Variants in NOL4 observed in about 807,000 individuals in gnomAD.
NOL4 encodes cancer/testis antigen 125.
Under a neutral mutation model 75.9 loss-of-function variants are expected in NOL4, and 17 were observed. The ratio of observed to expected loss-of-function variants is 0.22; its 90% CI spans 0.15 to 0.34. NOL4 has a LOEUF of 0.34. Among genes scored for constraint, NOL4 ranks in the 10% least tolerant of loss-of-function variants. The pLI, the probability that NOL4 is intolerant of heterozygous loss-of-function variation, is 1.00. For missense variants in NOL4, 614 were observed against 793.5 expected (o/e 0.77, Z 2.72); for synonymous variants, 292 against 289.9 (o/e 1.01, Z -0.07).
chr18:34,036,688 C>T (rs1354609160), intron 5 of NOL4, among the ~76,000 whole-genome samples: 1 of 152,154 alleles, frequency 6.6e-6, no homozygotes, highest in African/African-American at 2.4e-5. Flanking sequence ...CTTTGGGAGG[C>T]TGAGGTGGGT....
At chr18:33,977,931 G>C (rs17179) in intron 6 of NOL4, among the ~76,000 whole-genome samples, 55,634 of 151,966 alleles carry the variant, frequency 0.37, 10,592 homozygotes, top group Non-Finnish European at 0.41. Flanking sequence ...TCTAGGCCTT[G>C]GAGACCTTTG....
chr18:34,049,074 GCACACACACACACACACA>G (rs1163959249), intron 5 of NOL4, among the ~76,000 whole-genome samples: 3 of 64,706 alleles, frequency 4.6e-5, no homozygotes, highest in African/African-American at 1.5e-4. Flanking sequence ...ACAGGCGCGC[GCACACACACACACACACA>G]CACACACACA....
rs376859414 is a variant in NOL4, at chr18:34,010,866, C to T, written c.1056+8452G>A. 5.9e-5 allele frequency among the ~76,000 whole-genome samples: 9 copies of T among 151,910 alleles called. No homozygotes were observed. In the South Asian group the frequency reaches 1.7e-3, roughly 28 times the overall value. ...TTGTATGTCTTCATTTGGGAGATGTCTATTCAGACCTTTTGCCTATTGTTT... is the reference window on the plus strand; with the variant it reads ...TTGTATGTCTTCATTTGGGAGATGTTTATTCAGACCTTTTGCCTATTGTTT... On this transcript the variant is annotated intron_variant, in intron 6 of 10. Coordinates refer to ENST00000261592, the MANE Select transcript of NOL4 (RefSeq NM_003787.5).
intron 1 of NOL4, among the ~76,000 whole-genome samples, chr18:34,196,922 A>G (rs1271334348): frequency 6.6e-6 from 1 of 152,074 alleles, no homozygotes; most frequent in Non-Finnish European, 1.5e-5. Context: ...GATACTTTAG[A>G]ACTTTTTGAA....
intron 2 of NOL4, among the ~76,000 whole-genome samples, chr18:34,116,793 T>A (rs75496308): frequency 0.055 from 8,322 of 152,162 alleles, 335 homozygotes; most frequent in Non-Finnish European, 0.081. Context: ...AGCCATAAAA[T>A]AGTGCAAATT....
intron 9 of NOL4, among the ~76,000 whole-genome samples, chr18:33,925,715 AT>A (rs1349295595): frequency 6.6e-6 from 1 of 152,126 alleles, no homozygotes; most frequent in Non-Finnish European, 1.5e-5. Flanking sequence ...GGAGCTAAAT[AT>A]TTTGTGCTGT....
At chr18:33,978,929 G>A (rs2071723044) in intron 6 of NOL4, among the ~76,000 whole-genome samples, 1 of 151,994 alleles carries the variant, frequency 6.6e-6, no homozygotes, top group South Asian at 2.1e-4. Flanking sequence ...CAACTACAGG[G>A]ATAGAGCAAG....
At chr18:34,040,235 C>T (rs182840859) in intron 5 of NOL4, among the ~76,000 whole-genome samples, 1 of 151,942 alleles carries the variant, frequency 6.6e-6, no homozygotes, top group African/African-American at 2.4e-5. Context: ...GTTGGGGGCA[C>T]AGTAGATTGG....
intron 5 of NOL4, among the ~76,000 whole-genome samples, chr18:34,084,069 T>C (rs879401821): frequency 1.3e-5 from 2 of 152,202 alleles, no homozygotes; most frequent in Non-Finnish European, 2.9e-5. Context: ...AGAGGGGCAC[T>C]GACCTGATGC....
intron 2 of NOL4, among the ~76,000 whole-genome samples, chr18:34,120,157 A>C (rs1380299000): frequency 6.6e-6 from 1 of 152,160 alleles, no homozygotes; most frequent in Non-Finnish European, 1.5e-5. Context: ...CTTTGGAAAA[A>C]ATTGTTATGT....
At chr18:34,114,077 T>C (rs1431389599) in intron 2 of NOL4, among the ~76,000 whole-genome samples, 1 of 152,180 alleles carries the variant, frequency 6.6e-6, no homozygotes, top group Non-Finnish European at 1.5e-5. Flanking sequence ...ATACTAAAAA[T>C]ACTATTCTAC....
intron 9 of NOL4, among the ~76,000 whole-genome samples, chr18:33,918,930 G>C (rs570198500): frequency 6.6e-6 from 1 of 151,474 alleles, no homozygotes; most frequent in South Asian, 2.1e-4. Context: ...CTACCCTATA[G>C]ATAGATAGGT....
intron 4 of NOL4, among the ~76,000 whole-genome samples, chr18:34,101,753 C>T (rs1248645181): frequency 6.6e-6 from 1 of 152,046 alleles, no homozygotes; most frequent in African/African-American, 2.4e-5. Flanking sequence ...ACTGGTGTCC[C>T]TGCATCCAGT....
chr18:34,202,947 A>G (rs558121456), intron 1 of NOL4, among the ~76,000 whole-genome samples: 1 of 152,158 alleles, frequency 6.6e-6, no homozygotes, highest in Non-Finnish European at 1.5e-5. Flanking sequence ...TTTAATTGAG[A>G]GAAATGAAAA....
chr18:34,157,680 T>A (rs549715013), intron 1 of NOL4, among the ~76,000 whole-genome samples: 19 of 150,366 alleles, frequency 1.3e-4, no homozygotes, highest in Non-Finnish European at 1.8e-4. Context: ...GTAAAAAGAC[T>A]GAGAAGGGAC....
chr18:34,123,120 CTT>C (rs368997906), intron 2 of NOL4, among the ~76,000 whole-genome samples: 29 of 138,562 alleles, frequency 2.1e-4, no homozygotes, highest in Middle Eastern at 3.7e-3. Context: ...GCTCTTACGT[CTT>C]TTTTTTTTTT....
At chr18:34,199,120 T>TCC (rs2035548318) in intron 1 of NOL4, among the ~76,000 whole-genome samples, 1 of 151,524 alleles carries the variant, frequency 6.6e-6, no homozygotes, top group South Asian at 2.1e-4. Context: ...TCCTTCTTTT[T>TCC]CAGAGCAAAG....
At chr18:34,191,517 A>G (rs886350959) in intron 1 of NOL4, among the ~76,000 whole-genome samples, 3 of 152,066 alleles carry the variant, frequency 2.0e-5, no homozygotes, top group African/African-American at 7.2e-5. Flanking sequence ...AGTAATTCCC[A>G]ATTTTATCCT....
At chr18:34,054,985 A>G (rs1216939669) in intron 5 of NOL4, among the ~76,000 whole-genome samples, 2 of 149,384 alleles carry the variant, frequency 1.3e-5, no homozygotes, top group Non-Finnish European at 3.0e-5. Flanking sequence ...TATTTTATAT[A>G]TAACATATTA....
Sources: gnomAD v4.1 joint callset for allele counts (sites outside exome capture counted in the v4.1 genomes callset) on GRCh38, gnomAD v4.1.1 for gene constraint, MANE v1.5 for transcripts, NCBI Gene and HGNC (gene_info 2026-07-23, HGNC 2026-07-21) for gene names.